Variants in AGBL1 observed in about 807,000 individuals in gnomAD.
AGBL1 encodes the protein cytosolic carboxypeptidase 4.
Under a neutral mutation model 118.9 loss-of-function variants are expected in AGBL1, and 130 were observed. That is an observed-to-expected ratio of 1.09 (90% CI 0.95 to 1.26). The LOEUF (loss-of-function observed/expected upper bound fraction) is 1.26. Ranked by LOEUF, AGBL1 falls within the 50% of genes most tolerant of loss-of-function variation. The probability of loss-of-function intolerance (pLI) is 0.00; values close to 1 mark genes in which losing one functional copy is unlikely to be tolerated. For synonymous variants in AGBL1, 555 were observed against 478.9 expected, an observed-to-expected ratio of 1.16 and a Z score of -2.08; for missense variants, 1,584 against 1,298.1, an observed-to-expected ratio of 1.22 and a Z score of -3.38.
intron 1 of AGBL1, among the ~76,000 whole-genome samples, chr15:86,090,387 G>A (rs530885778): frequency 6.6e-6 from 1 of 152,252 alleles, no homozygotes; most frequent in Admixed American, 6.5e-5. Context: ...TACTTCCTAA[G>A]ACAACTTCGT....
intron 21 of AGBL1, among the ~76,000 whole-genome samples, chr15:86,586,405 A>G (rs552314354): frequency 3.3e-5 from 5 of 152,316 alleles, no homozygotes; most frequent in South Asian, 4.1e-4. Flanking sequence ...TTTACTATCA[A>G]TGTAAACCTA....
chr15:87,006,776 G>T (rs972965428), intron 24 of AGBL1, among the ~76,000 whole-genome samples: 2 of 152,120 alleles, frequency 1.3e-5, no homozygotes, highest in African/African-American at 4.8e-5. Flanking sequence ...CACTCACTCT[G>T]GGAGCTGTAG....
chr15:87,014,316 C>G (rs545243973), intron 24 of AGBL1, among the ~76,000 whole-genome samples: 1 of 152,156 alleles, frequency 6.6e-6, no homozygotes, highest in East Asian at 1.9e-4. Context: ...TTCAATTTTC[C>G]CTCTCTTAAT....
chr15:86,824,885 C>T (rs762349512), intron 22 of AGBL1, among the ~76,000 whole-genome samples: 39 of 152,042 alleles, frequency 2.6e-4, no homozygotes, highest in South Asian at 6.2e-4. Context: ...TGGAAAAACA[C>T]GATCTCTACT....
At chr15:86,824,389 C>G (rs1398993488) in intron 22 of AGBL1, among the ~76,000 whole-genome samples, 1 of 151,790 alleles carries the variant, frequency 6.6e-6, no homozygotes, top group East Asian at 1.9e-4. Context: ...AAAACATGTA[C>G]AAGAATGGTA....
intron 22 of AGBL1, among the ~76,000 whole-genome samples, chr15:86,755,960 T>A (rs2077932904): frequency 1.3e-5 from 2 of 151,996 alleles, no homozygotes; most frequent in Admixed American, 6.6e-5. Context: ...AAAGTGACAA[T>A]GAAAAAAGAT....
intron 24 of AGBL1, among the ~76,000 whole-genome samples, chr15:87,001,057 G>C (rs1223964046): frequency 2.5e-5 from 3 of 121,698 alleles, no homozygotes; most frequent in Non-Finnish European, 5.1e-5. Context: ...AAGAATGCTT[G>C]TGATTTTTGT....
At chr15:86,594,993 G>A (rs567309458) in intron 21 of AGBL1, among the ~76,000 whole-genome samples, 2 of 152,288 alleles carry the variant, frequency 1.3e-5, no homozygotes, top group African/African-American at 4.8e-5. Flanking sequence ...ATTTGACTAA[G>A]TTGGTCACTT....
chr15:86,218,674 G>T (rs975009408), intron 5 of AGBL1, among the ~76,000 whole-genome samples: 1 of 152,230 alleles, frequency 6.6e-6, no homozygotes, highest in African/African-American at 2.4e-5. Context: ...AAGCAGTAAT[G>T]TTGGGGAAAC....
chr15:86,677,592 C>T (rs894265084), intron 22 of AGBL1, among the ~76,000 whole-genome samples: 1 of 152,098 alleles, frequency 6.6e-6, no homozygotes, highest in African/African-American at 2.4e-5. Flanking sequence ...TCTTCTCAGC[C>T]GAGCCCCCCA....
chr15:86,519,210 C>T (rs1199025188), intron 18 of AGBL1, among the ~76,000 whole-genome samples: 4 of 152,130 alleles, frequency 2.6e-5, no homozygotes, highest in Non-Finnish European at 5.9e-5. Context: ...ACAGTTGGCC[C>T]TCCATATTCA....
chr15:86,455,428 A>T (rs574349919), intron 18 of AGBL1, among the ~76,000 whole-genome samples: 15 of 152,254 alleles, frequency 9.9e-5, no homozygotes, highest in African/African-American at 3.6e-4. Flanking sequence ...TTAAATTAAA[A>T]TTCAATTTAA....
At chr15:86,724,393 G>T (rs188757007) in intron 22 of AGBL1, among the ~76,000 whole-genome samples, 1 of 151,782 alleles carries the variant, frequency 6.6e-6, no homozygotes, top group African/African-American at 2.4e-5. Context: ...CAAGAATTAT[G>T]ACAAGCATTA....
At chr15:86,622,524 A>G (rs766973895) in intron 21 of AGBL1, among the ~76,000 whole-genome samples, 5 of 152,198 alleles carry the variant, frequency 3.3e-5, no homozygotes, top group Non-Finnish European at 7.3e-5. Flanking sequence ...GTAATAGTAA[A>G]TAAAATAGAG....
chr15:86,142,080 T>A lies in AGBL1; in HGVS notation c.115+13T>A. Reference sequence around the variant, plus strand: ...CTGCTTTCTGTTGGTGAGTAGGCCATGCTCTCATGCTTTCATATGGCGGAT... The same window carrying A: ...CTGCTTTCTGTTGGTGAGTAGGCCAAGCTCTCATGCTTTCATATGGCGGAT... On this transcript the variant is annotated intron_variant, in intron 2 of 22. Coordinates refer to ENST00000614907, the MANE Select transcript of AGBL1 (RefSeq NM_001386094.1). 2 of 1,549,762 alleles carry A rather than the reference T, an allele frequency of 1.3e-6. No individual in the cohort carries two copies. Among genetic ancestry groups the A allele is most frequent in the Non-Finnish European group, 1.7e-6 (2 of 1,146,566 alleles).
At chr15:86,675,726 C>T (rs1192413069) in intron 22 of AGBL1, among the ~76,000 whole-genome samples, 2 of 152,084 alleles carry the variant, frequency 1.3e-5, no homozygotes, top group African/African-American at 2.4e-5. Flanking sequence ...TCATCTTTTC[C>T]TTTACTAAGC....
At chr15:86,859,631 G>A (rs369908671) in intron 22 of AGBL1, among the ~76,000 whole-genome samples, 4 of 152,128 alleles carry the variant, frequency 2.6e-5, no homozygotes, top group Non-Finnish European at 4.4e-5. Context: ...TAAGGGTGCC[G>A]AGAACACACG....
intron 18 of AGBL1, among the ~76,000 whole-genome samples, chr15:86,463,101 T>C (rs1205152439): frequency 2.6e-5 from 4 of 152,208 alleles, no homozygotes; most frequent in Admixed American, 6.5e-5. Flanking sequence ...CCAGCACCTG[T>C]TGTTTCCTGA....
intron 22 of AGBL1, among the ~76,000 whole-genome samples, chr15:86,817,758 A>G (rs1041186795): frequency 2.6e-5 from 4 of 152,052 alleles, no homozygotes; most frequent in African/African-American, 7.2e-5. Context: ...CCCACTCTCA[A>G]TGAATGTGTG....
Sources: allele counts gnomAD v4.1 joint callset (sites outside exome capture counted in the v4.1 genomes callset), GRCh38; gene constraint gnomAD v4.1.1; transcripts MANE v1.5; gene names NCBI Gene and HGNC (gene_info 2026-07-23, HGNC 2026-07-21).